Variants in KCNJ3 observed in about 807,000 individuals in gnomAD.
The protein encoded by KCNJ3 is G protein-activated inward rectifier potassium channel 1.
In KCNJ3, 4 loss-of-function variants were observed where a neutral mutation model predicts 39.2. The ratio of observed to expected loss-of-function variants is 0.10; its 90% CI spans 0.05 to 0.23. The LOEUF is 0.23. Among genes scored for constraint, KCNJ3 ranks in the 10% least tolerant of loss-of-function variants. The pLI is 1.00. For synonymous variants in KCNJ3, 230 were observed against 237.4 expected, an observed-to-expected ratio of 0.97 and a Z score of 0.29; for missense variants, 276 against 634.9, an observed-to-expected ratio of 0.43 and a Z score of 6.08.
chr2:154,834,844 C>T (rs2105123095), intron 2 of KCNJ3, among the ~76,000 whole-genome samples: 1 of 150,618 alleles, frequency 6.6e-6, no homozygotes, highest in African/African-American at 2.4e-5. Flanking sequence ...TATGAGTTGT[C>T]TACATCATAA....
intron 2 of KCNJ3, among the ~76,000 whole-genome samples, chr2:154,827,836 G>A (rs775897396): frequency 6.6e-6 from 1 of 152,078 alleles, no homozygotes; most frequent in African/African-American, 2.4e-5. Context: ...ACACGTCTTA[G>A]TCATAGAGTA....
intron 2 of KCNJ3, among the ~76,000 whole-genome samples, chr2:154,765,284 G>A (rs1676056969): frequency 6.6e-6 from 1 of 152,104 alleles, no homozygotes; most frequent in Admixed American, 6.5e-5. Context: ...TTTATCCCCT[G>A]AAATAACTTG....
intron 2 of KCNJ3, among the ~76,000 whole-genome samples, chr2:154,736,449 G>A (rs538529608): frequency 1.4e-5 from 2 of 142,824 alleles, no homozygotes; most frequent in African/African-American, 5.2e-5. Context: ...TGTGACACTG[G>A]ACTCTGCTTG....
Position 154,819,360 on chromosome 2 carries a change from C to T in KCNJ3, c.920-35367C>T, listed in dbSNP as rs188587619. Among the ~76,000 whole-genome samples the T allele has an allele frequency of 9.7e-4, 148 of 152,220 alleles. 1 individual carries two copies. The highest frequency in any genetic ancestry group is 1.8e-3 in the Non-Finnish European group (123 of 68,008). On this transcript the variant is annotated intron_variant, in intron 2 of 2. Coordinates refer to ENST00000295101, the MANE Select transcript of KCNJ3 (RefSeq NM_002239.4). ...TAGTAAACTGTCATATACCCATCCT[C>T]AGATTCAATCAGTATCAGTGACAAA...
chr2:154,745,938 T>TG (rs1428182107), intron 2 of KCNJ3, among the ~76,000 whole-genome samples: 1 of 151,990 alleles, frequency 6.6e-6, no homozygotes, highest in African/African-American at 2.4e-5. Context: ...GGTTGAGTAC[T>TG]GGCCTCCTGC....
At chr2:154,732,660 T>C (rs1374088140) in intron 2 of KCNJ3, among the ~76,000 whole-genome samples, 1 of 152,128 alleles carries the variant, frequency 6.6e-6, no homozygotes, top group Non-Finnish European at 1.5e-5. Flanking sequence ...AAAATATACC[T>C]TTTGTTTACT....
intron 2 of KCNJ3, among the ~76,000 whole-genome samples, chr2:154,839,395 ATGTG>A (rs375837909): frequency 1.5e-4 from 23 of 152,054 alleles, no homozygotes; most frequent in African/African-American, 5.6e-4. Context: ...CAATAAACAT[ATGTG>A]TGTGTGTGTC....
intron 2 of KCNJ3, among the ~76,000 whole-genome samples, chr2:154,769,597 T>C (rs1044026031): frequency 3.9e-5 from 6 of 152,210 alleles, no homozygotes; most frequent in African/African-American, 1.4e-4. Flanking sequence ...GCCAGTATTT[T>C]ATTGAGGTTT....
At chr2:154,829,187 G>A (rs1053699352) in intron 2 of KCNJ3, among the ~76,000 whole-genome samples, 1 of 152,096 alleles carries the variant, frequency 6.6e-6, no homozygotes, top group South Asian at 2.1e-4. Context: ...CAGGCAATTA[G>A]CATGTCATAG....
intron 2 of KCNJ3, among the ~76,000 whole-genome samples, chr2:154,763,054 G>C (rs903976507): frequency 2.0e-5 from 3 of 152,152 alleles, no homozygotes; most frequent in African/African-American, 7.2e-5. Flanking sequence ...CAACTGTTGT[G>C]ATGATAAAGG....
chr2:154,788,789 G>C (rs536965262), intron 2 of KCNJ3, among the ~76,000 whole-genome samples: 1 of 149,974 alleles, frequency 6.7e-6, no homozygotes, highest in South Asian at 2.1e-4. Context: ...TTTTTAAAAA[G>C]AAACTCAGGT....
intron 2 of KCNJ3, among the ~76,000 whole-genome samples, chr2:154,796,123 G>T (rs1373377573): frequency 6.6e-6 from 1 of 152,070 alleles, no homozygotes; most frequent in African/African-American, 2.4e-5. Context: ...AACGAAGGTT[G>T]GGATGCAGTG....
intron 2 of KCNJ3, among the ~76,000 whole-genome samples, chr2:154,747,024 C>T (rs921498471): frequency 2.0e-5 from 3 of 151,658 alleles, no homozygotes; most frequent in African/African-American, 7.3e-5. Flanking sequence ...CAGGGAAGTC[C>T]CATTACTTTT....
chr2:154,848,083 A>G (rs907698209), intron 2 of KCNJ3, among the ~76,000 whole-genome samples: 1 of 152,182 alleles, frequency 6.6e-6, no homozygotes, highest in South Asian at 2.1e-4. Context: ...ACTTAATAAC[A>G]ACTCAAATAT....
chr2:154,789,171 C>A (rs1370195656), intron 2 of KCNJ3, among the ~76,000 whole-genome samples: 2 of 151,872 alleles, frequency 1.3e-5, no homozygotes, highest in African/African-American at 4.8e-5. Context: ...AAAGAAAAAG[C>A]ACAAGGATAT....
chr2:154,811,806 T>G (rs1687012071), intron 2 of KCNJ3, among the ~76,000 whole-genome samples: 1 of 152,218 alleles, frequency 6.6e-6, no homozygotes, highest in African/African-American at 2.4e-5. Flanking sequence ...ATTGTAGGTT[T>G]GTAGCAGAGA....
intron 2 of KCNJ3, among the ~76,000 whole-genome samples, chr2:154,738,275 G>T (rs1685582201): frequency 6.6e-6 from 1 of 152,020 alleles, no homozygotes; most frequent in Non-Finnish European, 1.5e-5. Flanking sequence ...CCAGAGGCTG[G>T]GAAGGGAGGT....
chr2:154,713,177 A>T (rs986999978), intron 2 of KCNJ3, among the ~76,000 whole-genome samples: 1 of 152,112 alleles, frequency 6.6e-6, no homozygotes, highest in South Asian at 2.1e-4. Context: ...AAGAGTAATA[A>T]TTTAGTAATC....
chr2:154,776,962 A>T (rs1293773301), intron 2 of KCNJ3, among the ~76,000 whole-genome samples: 1 of 152,038 alleles, frequency 6.6e-6, no homozygotes, highest in Non-Finnish European at 1.5e-5. Flanking sequence ...TACCAGGCAC[A>T]CTCCATTTCT....
Sources: gnomAD v4.1 joint callset for allele counts (sites outside exome capture counted in the v4.1 genomes callset) on GRCh38, gnomAD v4.1.1 for gene constraint, MANE v1.5 for transcripts, NCBI Gene and HGNC (gene_info 2026-07-23, HGNC 2026-07-21) for gene names.